The following GRM3 variants were observed in gnomAD, a reference collection of about 807,000 sequenced individuals.
GRM3 encodes metabotropic glutamate receptor 3.
A neutral mutation model predicts 70.5 loss-of-function variants in GRM3; 26 were observed. That is an observed-to-expected ratio of 0.37 (90% confidence interval 0.27 to 0.51). The LOEUF is 0.51. GRM3 is among the 20% of genes least tolerant of loss of function. GRM3 has a pLI of 0.93. For synonymous variants in GRM3, 443 were observed against 434.9 expected, an observed-to-expected ratio of 1.02 and a Z score of -0.23; for missense variants, 859 against 1,123.8, an observed-to-expected ratio of 0.76 and a Z score of 3.37.
At chr7:86,788,200 T>A (rs1338092035) in intron 3 of GRM3, among the ~76,000 whole-genome samples, 1 of 152,204 alleles carries the variant, frequency 6.6e-6, no homozygotes, top group Non-Finnish European at 1.5e-5. Flanking sequence ...TATGCTCAGA[T>A]CATACTACCA....
intron 1 of GRM3, among the ~76,000 whole-genome samples, chr7:86,753,525 T>C: frequency 6.6e-6 from 1 of 152,144 alleles, no homozygotes; most frequent in East Asian, 1.9e-4. Flanking sequence ...CAAAATATCT[T>C]AGAAAATAAT....
chr7:86,759,986 A>G (rs1463023801), intron 1 of GRM3, among the ~76,000 whole-genome samples: 2 of 152,176 alleles, frequency 1.3e-5, no homozygotes, highest in Non-Finnish European at 2.9e-5. Flanking sequence ...CATAATACTG[A>G]CAGCTGAAAA....
chr7:86,842,449 T>C (rs557954220), intron 4 of GRM3, among the ~76,000 whole-genome samples: 34 of 152,264 alleles, frequency 2.2e-4, no homozygotes, highest in African/African-American at 8.2e-4. Flanking sequence ...TGCCCCTATC[T>C]CCCACTGATC....
chr7:86,857,531 A>G (rs576455740), intron 5 of GRM3, among the ~76,000 whole-genome samples: 4 of 152,346 alleles, frequency 2.6e-5, no homozygotes, highest in Non-Finnish European at 5.9e-5. Context: ...GGTTTAGACC[A>G]GAGTGAGAGA....
At position 86,756,817 on chromosome 7, in the gene GRM3, A is replaced by G. The variant is rs138659344; in HGVS notation, c.-140-8189A>G. Among the ~76,000 whole-genome samples, 217 of 152,258 alleles carry G rather than the reference A, an allele frequency of 1.4e-3. 4 individuals are homozygous for G. Among genetic ancestry groups the G allele is most frequent in the Admixed American group, 0.01 (159 of 15,282 alleles). ...TCTCATTCATCTCTCCTTCTGAAACATTAATTTTGCATGTGTTAGACTACT... is the reference window on the plus strand; with the variant it reads ...TCTCATTCATCTCTCCTTCTGAAACGTTAATTTTGCATGTGTTAGACTACT... On this transcript the variant is annotated intron_variant, in intron 1 of 5. Transcript: ENST00000361669.
At chr7:86,687,340 C>T (rs1275800970) in intron 1 of GRM3, among the ~76,000 whole-genome samples, 1 of 151,852 alleles carries the variant, frequency 6.6e-6, no homozygotes, top group East Asian at 1.9e-4. Flanking sequence ...AAAAACAAAG[C>T]AAAGAGCATT....
intron 2 of GRM3, among the ~76,000 whole-genome samples, chr7:86,772,538 AC>A (rs1365101372): frequency 3.9e-5 from 6 of 152,066 alleles, no homozygotes; most frequent in Admixed American, 3.9e-4. Context: ...ACTTAGACCA[AC>A]TATTCCAGAG....
chr7:86,702,928 A>G (rs752813962), intron 1 of GRM3, among the ~76,000 whole-genome samples: 10 of 152,046 alleles, frequency 6.6e-5, no homozygotes, highest in Non-Finnish European at 1.5e-4. Flanking sequence ...GTAAAAGAAA[A>G]CAAATCACCC....
intron 3 of GRM3, among the ~76,000 whole-genome samples, chr7:86,789,377 T>TAA (rs1171793061): frequency 6.6e-6 from 1 of 152,196 alleles, no homozygotes; most frequent in Non-Finnish European, 1.5e-5. Flanking sequence ...CTAACTATAG[T>TAA]AATAGAATGC....
intron 1 of GRM3, among the ~76,000 whole-genome samples, chr7:86,689,925 C>T (rs1002173964): frequency 4.6e-5 from 7 of 152,054 alleles, no homozygotes; most frequent in African/African-American, 1.4e-4. Context: ...ATGGACTATG[C>T]CTTGCAAATA....
chr7:86,797,675 G>A (rs932681038), intron 3 of GRM3, among the ~76,000 whole-genome samples: 4 of 152,208 alleles, frequency 2.6e-5, no homozygotes, highest in Non-Finnish European at 5.9e-5. Context: ...AGTTCAAGCT[G>A]GCTGCATAAA....
At chr7:86,709,101 C>A (rs1272566602) in intron 1 of GRM3, among the ~76,000 whole-genome samples, 1 of 152,010 alleles carries the variant, frequency 6.6e-6, no homozygotes, top group Non-Finnish European at 1.5e-5. Context: ...TTTGATTTCC[C>A]TATGTGCCCT....
At position 86,765,638 on chromosome 7, in the gene GRM3, A is replaced by G. The variant is rs367846932; in HGVS notation, c.468+25A>G. On this transcript the variant is annotated intron_variant, in intron 2 of 5. Transcript: ENST00000361669. The stretch of plus-strand genomic sequence containing the variant: ...GGTAAGATTGGCTAATGCTATTGCT[A>G]AAAGGCTGTATCTCTTTGCTTTTAT... 85 of 1,593,236 alleles carry G rather than the reference A, an allele frequency of 5.3e-5. No homozygotes were observed. The African/African-American group carries it at 1.1e-3, about 21-fold the overall frequency.
chr7:86,645,898 A>T (rs975240506), intron 1 of GRM3, among the ~76,000 whole-genome samples: 7 of 150,044 alleles, frequency 4.7e-5, no homozygotes, highest in Admixed American at 3.3e-4. Flanking sequence ...GTGTGAGTTA[A>T]GTACCAACAA....
intron 1 of GRM3, among the ~76,000 whole-genome samples, chr7:86,665,647 T>C (rs1233767195): frequency 2.0e-5 from 3 of 152,094 alleles, no homozygotes; most frequent in Non-Finnish European, 2.9e-5. Flanking sequence ...ATGCATATTA[T>C]AGTCTTCTCT....
At chr7:86,751,943 T>G (rs1796241671) in intron 1 of GRM3, among the ~76,000 whole-genome samples, 2 of 152,260 alleles carry the variant, frequency 1.3e-5, no homozygotes, top group Non-Finnish European at 2.9e-5. Flanking sequence ...TATACTGTCA[T>G]TTTTAAAAAA....
intron 1 of GRM3, among the ~76,000 whole-genome samples, chr7:86,648,293 G>A (rs1050118857): frequency 6.6e-6 from 1 of 152,150 alleles, no homozygotes; most frequent in African/African-American, 2.4e-5. Context: ...ACTTTCTGAG[G>A]AATGTTCTAT....
At chr7:86,853,859 C>T (rs1798798839) in intron 5 of GRM3, among the ~76,000 whole-genome samples, 1 of 152,100 alleles carries the variant, frequency 6.6e-6, no homozygotes, top group Admixed American at 6.6e-5. Flanking sequence ...GGCTGACGTT[C>T]TTTCATGGTT....
intron 1 of GRM3, among the ~76,000 whole-genome samples, chr7:86,729,493 C>T (rs903995738): frequency 2.0e-4 from 30 of 152,286 alleles, no homozygotes; most frequent in African/African-American, 7.2e-4. Context: ...ATTCCAAACA[C>T]ATTCTTTACT....
Sources: gnomAD v4.1 joint callset for allele counts (sites outside exome capture counted in the v4.1 genomes callset) on GRCh38, gnomAD v4.1.1 for gene constraint, MANE v1.5 for transcripts, NCBI Gene and HGNC (gene_info 2026-07-23, HGNC 2026-07-21) for gene names.